The following SEC24D variants were observed in gnomAD, a reference collection of about 807,000 sequenced individuals.
SEC24D encodes SEC24 homolog D, COPII component, also known as protein transport protein Sec24D.
In SEC24D, 69 loss-of-function variants were observed where a neutral mutation model predicts 116.9. The ratio of observed to expected loss-of-function variants is 0.59; its 90% CI spans 0.49 to 0.72. SEC24D has a LOEUF of 0.72. Among genes scored for constraint, SEC24D ranks in the 30% least tolerant of loss-of-function variants. The pLI, the probability that SEC24D is intolerant of heterozygous loss-of-function variation, is 0.00. For synonymous variants in SEC24D, 405 were observed against 442.8 expected (o/e 0.91, Z 1.07); for missense variants, 1,131 against 1,264.1 (o/e 0.89, Z 1.60).
intron 22 of SEC24D, among the ~76,000 whole-genome samples, chr4:118,727,837 T>C (rs1183854667): frequency 6.6e-6 from 1 of 152,130 alleles, no homozygotes; most frequent in Non-Finnish European, 1.5e-5. Context: ...TTTGCATGCA[T>C]GAGTTACTTT....
At chr4:118,762,102 GAAAA>G (rs779529680) in intron 10 of SEC24D, among the ~76,000 whole-genome samples, 1 of 133,132 alleles carries the variant, frequency 7.5e-6, no homozygotes, top group African/African-American at 2.8e-5. Flanking sequence ...TTTTTGTTCA[GAAAA>G]AAAAAAAAGC....
rs186377780 is a variant in SEC24D, at chr4:118,738,254, A to G, written c.2496+7T>C. 3 of 1,573,622 alleles carry G rather than the reference A, an allele frequency of 1.9e-6. No individual in the cohort carries two copies. Among genetic ancestry groups the G allele is most frequent in the African/African-American group, 2.7e-5 (2 of 74,080 alleles). The stretch of plus-strand genomic sequence containing the variant: ...ACTTTAACATCTATGTGCAATAGGT[A>G]GCTCACCTGGCTTGCTGCAGAAGGA... On this transcript the variant is annotated splice_region_variant and intron_variant, in intron 19 of 22. Transcript: ENST00000280551.
At chr4:118,808,415 G>T (rs1350069651) in intron 6 of SEC24D, among the ~76,000 whole-genome samples, 1 of 152,024 alleles carries the variant, frequency 6.6e-6, no homozygotes, top group Non-Finnish European at 1.5e-5. Context: ...TTTCCAAAAA[G>T]TTTATTTTTA....
At chr4:118,833,425 G>C in intron 2 of SEC24D, 154 bp downstream of exon 2, 1 of 598,420 alleles carries the variant, frequency 1.7e-6, no homozygotes, top group Admixed American at 3.1e-5. Flanking sequence ...GTAGAGTTCT[G>C]CTATGAGAGC....
At chr4:118,762,366 T>C (rs1213729306) in intron 10 of SEC24D, among the ~76,000 whole-genome samples, 1 of 152,190 alleles carries the variant, frequency 6.6e-6, no homozygotes, top group Non-Finnish European at 1.5e-5. Context: ...GGCCTGAAGC[T>C]GGCACTTACG....
chr4:118,797,724 C>A lies in SEC24D; in HGVS notation c.1000G>T (p.Ala334Ser). Residue 334 changes from alanine to serine, a missense_variant, in exon 8 of 23, where the codon GCT becomes TCT. Coordinates refer to ENST00000280551, the MANE Select transcript of SEC24D (RefSeq NM_014822.4). ...GTGGCAAAGGGCTTGATGACAGCAGCTAATGGAATCTGAGCTTGCTTAGCC... is the reference window on the plus strand; with the variant it reads ...GTGGCAAAGGGCTTGATGACAGCAGATAATGGAATCTGAGCTTGCTTAGCC... ...DMAKQAQIPLAAVIKPFATIP... is the reference protein window; with the variant it reads ...DMAKQAQIPLSAVIKPFATIP... 6.2e-7 allele frequency: 1 copy of A among 1,610,766 alleles called. No individual in the cohort carries two copies. The highest frequency in any genetic ancestry group is 8.5e-7 in the Non-Finnish European group (1 of 1,177,674).
At chr4:118,812,610 G>A (rs867833440) in intron 6 of SEC24D, among the ~76,000 whole-genome samples, 7 of 139,136 alleles carry the variant, frequency 5.0e-5, no homozygotes, top group South Asian at 2.1e-4. Context: ...CGGGGCAGTC[G>A]GAGACCCAGG....
intron 4 of SEC24D, 24 bp from the exon 5 acceptor site, chr4:118,815,750 C>T (rs1362347483): frequency 6.2e-7 from 1 of 1,610,216 alleles, no homozygotes; most frequent in South Asian, 1.1e-5. Flanking sequence ...GAGACCAGCC[C>T]ACTTAAATAC....
intron 3 of SEC24D, among the ~76,000 whole-genome samples, chr4:118,822,668 C>T (rs554133533): frequency 6.6e-6 from 1 of 152,262 alleles, no homozygotes; most frequent in South Asian, 2.1e-4. Flanking sequence ...ACCTCCTGGG[C>T]TCAAGCAATC....
At chr4:118,732,394 C>T (rs1725738830) in intron 20 of SEC24D, among the ~76,000 whole-genome samples, 1 of 152,110 alleles carries the variant, frequency 6.6e-6, no homozygotes, top group South Asian at 2.1e-4. Flanking sequence ...CCCGCCTTGG[C>T]CTCCCAAAGT....
intron 13 of SEC24D, 46 bp downstream of exon 13, chr4:118,751,950 G>C: frequency 7.7e-7 from 1 of 1,293,800 alleles, no homozygotes; most frequent in Middle Eastern, 1.8e-4. Flanking sequence ...TTGTCTCTCT[G>C]TTTTTAAAAT....
Position 118,762,427 on chromosome 4 carries a change from G to A in SEC24D, c.1296+2375C>T, listed in dbSNP as rs140410512. On this transcript the variant is annotated intron_variant, in intron 10 of 22. Transcript: ENST00000280551. ...AGTAATGATGGTACGCACCACATGG[G>A]TTCACCGTGAGGACTAAATGATACA... Among the ~76,000 whole-genome samples, 232 of 152,186 alleles carry A rather than the reference G, an allele frequency of 1.5e-3. 1 individual carries two copies. The highest frequency in any genetic ancestry group is 5.4e-3 in the African/African-American group (223 of 41,522).
At chr4:118,739,577 A>G (rs971100715) in intron 17 of SEC24D, among the ~76,000 whole-genome samples, 6 of 152,140 alleles carry the variant, frequency 3.9e-5, no homozygotes, top group Admixed American at 2.6e-4. Flanking sequence ...TGCATTTTTC[A>G]TAGCTCATGT....
chr4:118,728,802 C>A, intron 21 of SEC24D, 152 bp from the exon 22 acceptor site: 1 of 524,320 alleles, frequency 1.9e-6, no homozygotes, highest in South Asian at 3.0e-5. Context: ...GGGGAAAATG[C>A]ACTAAAAATT....
At chr4:118,774,156 CTTAG>C (rs1025237776) in intron 8 of SEC24D, among the ~76,000 whole-genome samples, 2 of 151,808 alleles carry the variant, frequency 1.3e-5, no homozygotes, top group African/African-American at 4.8e-5. Flanking sequence ...TTTTAGTTTT[CTTAG>C]TTTGTTAGTG....
At chr4:118,805,616 A>T (rs958824094) in intron 7 of SEC24D, among the ~76,000 whole-genome samples, 5 of 152,184 alleles carry the variant, frequency 3.3e-5, no homozygotes, top group African/African-American at 1.2e-4. Flanking sequence ...TTTTAAGCAG[A>T]TATATTGCTC....
intron 11 of SEC24D, among the ~76,000 whole-genome samples, chr4:118,756,133 C>A (rs962248846): frequency 6.6e-6 from 1 of 151,986 alleles, no homozygotes; most frequent in East Asian, 1.9e-4. Flanking sequence ...AGAGAAAGAC[C>A]ATTTCCAGCA....
chr4:118,746,145 C>T (rs914585237), intron 13 of SEC24D, among the ~76,000 whole-genome samples: 1 of 148,544 alleles, frequency 6.7e-6, no homozygotes, highest in Non-Finnish European at 1.5e-5. Flanking sequence ...CACTGCACTC[C>T]AGCCTAGGTG....
At chr4:118,797,636 T>C (rs1029525825) in intron 8 of SEC24D, 47 bp downstream of exon 8, 5 of 1,428,382 alleles carry the variant, frequency 3.5e-6, no homozygotes, top group Non-Finnish European at 4.7e-6. Context: ...AAAATGGTAA[T>C]TTTGGAATTG....
Sources: gnomAD v4.1 joint callset for allele counts (sites outside exome capture counted in the v4.1 genomes callset) on GRCh38, gnomAD v4.1.1 for gene constraint, MANE v1.5 for transcripts, NCBI Gene and HGNC (gene_info 2026-07-23, HGNC 2026-07-21) for gene names.